The following SAMD5 variants were observed in gnomAD, a reference collection of about 807,000 sequenced individuals.
SAMD5 encodes sterile alpha motif domain containing 5.
A neutral mutation model predicts 11.3 loss-of-function variants in SAMD5; 13 were observed. The observed-to-expected ratio is 1.15, with a 90% CI of 0.75 to 1.83. The LOEUF (loss-of-function observed/expected upper bound fraction) is 1.83. Ranked by LOEUF, SAMD5 falls within the 40% of genes most tolerant of loss-of-function variation. The pLI, the probability that SAMD5 is intolerant of heterozygous loss-of-function variation, is 0.00. For synonymous variants in SAMD5, 129 were observed against 111.3 expected (o/e 1.16, Z -1.00); for missense variants, 255 against 239.1 (o/e 1.07, Z -0.44).
intron 1 of SAMD5, among the ~76,000 whole-genome samples, chr6:147,608,846 G>A (rs528438674): frequency 9.2e-5 from 14 of 152,168 alleles, no homozygotes; most frequent in African/African-American, 3.4e-4. Flanking sequence ...AGGGGATAGA[G>A]ACCCCATTCT....
the SAMD5 span, among the ~76,000 whole-genome samples, chr6:147,806,341 G>A: frequency 2.0e-5 from 3 of 151,914 alleles, no homozygotes; most frequent in Non-Finnish European, 4.4e-5. Context: ...CACTCATTGT[G>A]ATGCATTTGC....
chr6:147,599,962 A>G (rs1789591184), intron 1 of SAMD5, among the ~76,000 whole-genome samples: 1 of 151,858 alleles, frequency 6.6e-6, no homozygotes, highest in Non-Finnish European at 1.5e-5. Flanking sequence ...AGAGGTGTGT[A>G]TGGGACCAGG....
the SAMD5 span, among the ~76,000 whole-genome samples, chr6:147,892,086 T>A: frequency 3.9e-5 from 6 of 152,160 alleles, no homozygotes; most frequent in African/African-American, 1.4e-4. Context: ...CTCTCCTGGG[T>A]TGCAAATACT....
At chr6:147,645,363 A>G (rs1790382054) in intron 1 of SAMD5, among the ~76,000 whole-genome samples, 1 of 152,182 alleles carries the variant, frequency 6.6e-6, no homozygotes, top group Non-Finnish European at 1.5e-5. Context: ...ATCATTCTCA[A>G]GAAATACTGT....
At chr6:147,940,065 G>T in the SAMD5 span, among the ~76,000 whole-genome samples, 1 of 152,182 alleles carries the variant, frequency 6.6e-6, no homozygotes, top group East Asian at 1.9e-4. Context: ...AAGCCCAGAG[G>T]TTAGATAGTA....
chr6:147,690,951 T>G (rs905000590), intron 1 of SAMD5, among the ~76,000 whole-genome samples: 1 of 148,698 alleles, frequency 6.7e-6, no homozygotes, highest in African/African-American at 2.5e-5. Flanking sequence ...TGCCTTTGTT[T>G]CCTTCCAGCT....
At chr6:147,865,427 C>T in the SAMD5 span, among the ~76,000 whole-genome samples, 4 of 151,888 alleles carry the variant, frequency 2.6e-5, no homozygotes, top group Non-Finnish European at 5.9e-5. Context: ...GAATTGGCCC[C>T]GGATCAGGCC....
the SAMD5 span, among the ~76,000 whole-genome samples, chr6:147,946,533 T>C: frequency 1.1e-4 from 16 of 152,226 alleles, no homozygotes; most frequent in Non-Finnish European, 2.1e-4. Context: ...AATATCTTTA[T>C]GGATTCCTTC....
chr6:147,772,112 A>T, the SAMD5 span, among the ~76,000 whole-genome samples: 1 of 152,212 alleles, frequency 6.6e-6, no homozygotes, highest in Non-Finnish European at 1.5e-5. Context: ...CAAGGCAGTA[A>T]TTGAGTTTCA....
At chr6:147,610,818 C>T (rs1789772157) in intron 1 of SAMD5, among the ~76,000 whole-genome samples, 1 of 151,478 alleles carries the variant, frequency 6.6e-6, no homozygotes, top group Non-Finnish European at 1.5e-5. Context: ...GATAGGTGAC[C>T]AACTGGAGAG....
At chr6:147,519,174 C>T (rs1788215370) in intron 1 of SAMD5, among the ~76,000 whole-genome samples, 1 of 152,162 alleles carries the variant, frequency 6.6e-6, no homozygotes, top group Non-Finnish European at 1.5e-5. Context: ...TTGTAATGCA[C>T]AGATTTGACA....
At chr6:147,558,927 G>A (rs546031566) in intron 1 of SAMD5, among the ~76,000 whole-genome samples, 1 of 152,166 alleles carries the variant, frequency 6.6e-6, no homozygotes, top group East Asian at 1.9e-4. Flanking sequence ...CTCCCTCTTC[G>A]TTCTTAAAAT....
chr6:147,698,954 G>A (rs1426383805), intron 1 of SAMD5, among the ~76,000 whole-genome samples: 1 of 152,148 alleles, frequency 6.6e-6, no homozygotes, highest in African/African-American at 2.4e-5. Context: ...GCATGTTTGG[G>A]CAACAGAAAG....
At chr6:147,793,621 T>A in the SAMD5 span, among the ~76,000 whole-genome samples, 1 of 152,162 alleles carries the variant, frequency 6.6e-6, no homozygotes, top group African/African-American at 2.4e-5. Flanking sequence ...ATGGAAGTAG[T>A]GGAATGTGTA....
chr6:147,888,885 CA>C, the SAMD5 span, among the ~76,000 whole-genome samples: 61,053 of 134,602 alleles, frequency 0.45, 12,681 homozygotes, highest in South Asian at 0.61. Context: ...AACTCCATCT[CA>C]AAAAAAAAAA....
chr6:147,579,863 A>G (rs1789270996), intron 1 of SAMD5, among the ~76,000 whole-genome samples: 1 of 152,168 alleles, frequency 6.6e-6, no homozygotes, highest in African/African-American at 2.4e-5. Flanking sequence ...ACATATTTTC[A>G]TGCAACAAAT....
At chr6:147,824,408 TA>T in the SAMD5 span, among the ~76,000 whole-genome samples, 1 of 152,284 alleles carries the variant, frequency 6.6e-6, no homozygotes, top group East Asian at 1.9e-4. Flanking sequence ...CATGCCACTC[TA>T]AAAAACCTAA....
rs2128445182 is a variant in SAMD5, at chr6:147,569,479, T to A, written c.*5023T>A. ...GGAAATAAATCTACAATAAATCTAC[T>A]TTCTAAATATTATTTAAGATGGGAA... On this transcript the variant is annotated 3_prime_UTR_variant, in exon 2 of 2. Transcript: ENST00000367474. 1 of 907,886 alleles carries A rather than the reference T, an allele frequency of 1.1e-6. No individual in the cohort carries two copies. The highest frequency in any genetic ancestry group is 6.2e-5 in the Admixed American group (1 of 16,190). 56.2% of individuals were successfully genotyped at this position (907,886 alleles called of 1,614,324 possible).
chr6:147,946,954 T>G, the SAMD5 span, among the ~76,000 whole-genome samples: 13,022 of 152,268 alleles, frequency 0.086, 635 homozygotes, highest in South Asian at 0.16. Context: ...AATAAGCTAT[T>G]GTTATTGCTT....
Sources: allele counts gnomAD v4.1 joint callset (sites outside exome capture counted in the v4.1 genomes callset), GRCh38; gene constraint gnomAD v4.1.1; transcripts MANE v1.5; gene names NCBI Gene and HGNC (gene_info 2026-07-23, HGNC 2026-07-21).